Variants in INPP5D observed in about 807,000 individuals in gnomAD.
INPP5D encodes the protein phosphatidylinositol 3,4,5-trisphosphate 5-phosphatase 1.
INPP5D carries 33 observed loss-of-function variants against 122.9 expected under a neutral mutation model. The ratio of observed to expected loss-of-function variants is 0.27; its 90% CI spans 0.20 to 0.36. INPP5D has a LOEUF of 0.36. Ranked by LOEUF, INPP5D falls within the 10% of genes least tolerant of loss-of-function variation. The probability of loss-of-function intolerance (pLI) is 1.00; values close to 1 mark genes in which losing one functional copy is unlikely to be tolerated. For missense variants in INPP5D, 1,053 were observed against 1,412.7 expected, an observed-to-expected ratio of 0.75 and a Z score of 4.08; for synonymous variants, 584 against 576.2, an observed-to-expected ratio of 1.01 and a Z score of -0.19.
At position 233,078,010 on chromosome 2, in the gene INPP5D, T is replaced by C. The variant is rs1278207262; in HGVS notation, c.135-1325T>C. Among the ~76,000 whole-genome samples, 1 of 152,236 alleles carries C rather than the reference T, an allele frequency of 6.6e-6. No homozygotes were observed. Among genetic ancestry groups the C allele is most frequent in the Non-Finnish European group, 1.5e-5 (1 of 68,042 alleles). ...CAGAGGCTGGTCCTGTCTACAGGGC[T>C]CTACGGGCCAGGTGAGCCTTCCGGG... On this transcript the variant is annotated intron_variant, in intron 1 of 26. Transcript: ENST00000445964. The surrounding 1 kb of genome is among the most constrained non-coding windows in gnomAD (Gnocchi z 4.6).
chr2:233,150,537 G>A (rs1693895760), intron 9 of INPP5D, among the ~76,000 whole-genome samples: 2 of 152,168 alleles, frequency 1.3e-5, no homozygotes, highest in Admixed American at 1.3e-4. Flanking sequence ...TGGATAAGAG[G>A]AGATGGAAAC....
intron 1 of INPP5D, among the ~76,000 whole-genome samples, chr2:233,065,011 G>A (rs529641464): frequency 6.6e-6 from 1 of 152,214 alleles, no homozygotes; most frequent in African/African-American, 2.4e-5. Context: ...CCAGAAAGCC[G>A]GCCAAGGGGC....
At position 233,138,962 on chromosome 2, in the gene INPP5D, G is replaced by A. The variant is rs183698371; in HGVS notation, c.666-880G>A. Among the ~76,000 whole-genome samples, 115 of 150,452 alleles carry A rather than the reference G, an allele frequency of 7.6e-4. 1 individual carries two copies. Among genetic ancestry groups the A allele is most frequent in the African/African-American group, 2.6e-3 (108 of 40,832 alleles). On this transcript the variant is annotated intron_variant, in intron 5 of 26. Coordinates refer to ENST00000445964, the MANE Select transcript of INPP5D (RefSeq NM_001017915.3). ...TAGAGACGGGGGTTTCACCACGTTA[G>A]CCAGGATGGTCTCGACCTCCTGACC...
At chr2:233,150,104 G>A (rs1488351448) in intron 9 of INPP5D, among the ~76,000 whole-genome samples, 1 of 152,132 alleles carries the variant, frequency 6.6e-6, no homozygotes, top group African/African-American at 2.4e-5. Context: ...TGGAAAGTGA[G>A]CTTAGAGTGA....
chr2:233,148,252 A>T (rs1396172747), intron 9 of INPP5D, among the ~76,000 whole-genome samples: 2 of 151,932 alleles, frequency 1.3e-5, no homozygotes, highest in Non-Finnish European at 2.9e-5. Flanking sequence ...TGAGTAGCCG[A>T]TAGAGACTCA....
At chr2:233,104,236 C>G (rs1454008967) in intron 2 of INPP5D, among the ~76,000 whole-genome samples, 1 of 152,052 alleles carries the variant, frequency 6.6e-6, no homozygotes, top group Admixed American at 6.6e-5. Flanking sequence ...GTCTTGAACT[C>G]TTAACCTCAA....
At chr2:233,127,835 C>T (rs1693207954) in intron 4 of INPP5D, among the ~76,000 whole-genome samples, 1 of 152,164 alleles carries the variant, frequency 6.6e-6, no homozygotes, top group Non-Finnish European at 1.5e-5. Context: ...CTCGAACTCC[C>T]AACCTGAGGT....
At chr2:233,124,187 A>G (rs1380702821) in intron 3 of INPP5D, among the ~76,000 whole-genome samples, 1 of 151,798 alleles carries the variant, frequency 6.6e-6, no homozygotes, top group Non-Finnish European at 1.5e-5. Flanking sequence ...TCAGTTGGCC[A>G]GGGCTCTTCC....
rs1168822743 is a variant in INPP5D, at chr2:233,100,784, G to T, written c.199-21323G>T. On this transcript the variant is annotated intron_variant, in intron 2 of 26. Transcript: ENST00000445964. The surrounding 1 kb of genome is among the most constrained non-coding windows in gnomAD (Gnocchi z 5.3). Reference sequence around the variant, plus strand: ...CTCCTTTCCCCAGAGGGCAGGGTGGGCCCCACTGGGGAGCTGGAGGGCTCA... The same window carrying T: ...CTCCTTTCCCCAGAGGGCAGGGTGGTCCCCACTGGGGAGCTGGAGGGCTCA... Among the ~76,000 whole-genome samples the T allele has an allele frequency of 6.6e-6, 1 of 152,184 alleles. No individual in the cohort carries two copies. The highest frequency in any genetic ancestry group is 1.5e-5 in the Non-Finnish European group (1 of 68,026).
intron 5 of INPP5D, chr2:233,131,104 A>G (rs1264134813): frequency 1.1e-6 from 1 of 932,840 alleles, no homozygotes; most frequent in Non-Finnish European, 1.3e-6. Context: ...CAATTTTTCA[A>G]AGGGAGATGA....
intron 14 of INPP5D, 64 bp from the exon 15 acceptor site, chr2:233,169,962 T>C (rs1344121368): frequency 6.2e-7 from 1 of 1,608,694 alleles, no homozygotes; most frequent in East Asian, 2.2e-5. Context: ...AGGAGTGACT[T>C]CCTGCCACAG....
intron 20 of INPP5D, among the ~76,000 whole-genome samples, chr2:233,185,634 A>G (rs1420842785): frequency 6.7e-6 from 1 of 149,224 alleles, no homozygotes; most frequent in African/African-American, 2.5e-5. Context: ...TAATTAGACC[A>G]TGTTGGCAAA....
chr2:233,151,438 C>A (rs767854337), intron 9 of INPP5D, among the ~76,000 whole-genome samples: 1 of 152,270 alleles, frequency 6.6e-6, no homozygotes, highest in South Asian at 2.1e-4. Flanking sequence ...CCAGTCCTCC[C>A]GTCAATCCAG....
At chr2:233,203,917 A>G (rs1011934210) in intron 25 of INPP5D, among the ~76,000 whole-genome samples, 1 of 152,202 alleles carries the variant, frequency 6.6e-6, no homozygotes, top group African/African-American at 2.4e-5. Context: ...ACTGCACTCC[A>G]GCCTGGGTGA....
At chr2:233,106,368 A>G (rs556498078) in intron 2 of INPP5D, among the ~76,000 whole-genome samples, 1 of 152,174 alleles carries the variant, frequency 6.6e-6, no homozygotes, top group Admixed American at 6.5e-5. Flanking sequence ...TTTCCTGGCC[A>G]TCCTTTCTTA....
chr2:233,087,795 C>T (rs936581399), intron 2 of INPP5D, among the ~76,000 whole-genome samples: 4 of 152,286 alleles, frequency 2.6e-5, no homozygotes, highest in Admixed American at 6.5e-5. Flanking sequence ...TATGATTTAT[C>T]TCACCCTTGC....
chr2:233,186,299 G>A (rs531017022), intron 21 of INPP5D, among the ~76,000 whole-genome samples: 8 of 152,062 alleles, frequency 5.3e-5, no homozygotes, highest in African/African-American at 1.2e-4. Flanking sequence ...CCAAGACCCC[G>A]ATCCCCTCTT....
intron 22 of INPP5D, among the ~76,000 whole-genome samples, chr2:233,192,112 G>A (rs2106321781): frequency 6.6e-6 from 1 of 152,310 alleles, no homozygotes; most frequent in Admixed American, 6.5e-5. Flanking sequence ...AGCTGCAGGA[G>A]GGGTGGGAAG....
chr2:233,147,405 G>T (rs1286206280), intron 8 of INPP5D, 66 bp from the exon 9 acceptor site: 3 of 696,078 alleles, frequency 4.3e-6, no homozygotes, highest in African/African-American at 3.5e-5. Context: ...AAGGGGTTCG[G>T]GCGGGGGAAG....
Sources: allele counts gnomAD v4.1 joint callset (sites outside exome capture counted in the v4.1 genomes callset), GRCh38; gene constraint gnomAD v4.1.1; non-coding constraint Gnocchi (gnomAD v3.1); transcripts MANE v1.5; gene names NCBI Gene and HGNC (gene_info 2026-07-23, HGNC 2026-07-21).